USP47: variants seen among roughly 807,000 people sequenced by gnomAD.
USP47 encodes ubiquitin carboxyl-terminal hydrolase 47.
A neutral mutation model predicts 165.1 loss-of-function variants in USP47; 35 were observed. That is an observed-to-expected ratio of 0.21 (90% CI 0.16 to 0.28). The LOEUF is 0.28. USP47 is among the 10% of genes least tolerant of loss of function. The probability of loss-of-function intolerance (pLI) is 1.00; values close to 1 mark genes in which losing one functional copy is unlikely to be tolerated. For missense variants in USP47, 1,277 were observed against 1,607.4 expected (o/e 0.79, Z 3.52); for synonymous variants, 531 against 544.5 (o/e 0.98, Z 0.35).
intron 11 of USP47, among the ~76,000 whole-genome samples, chr11:11,924,798 T>C (rs1590390282): frequency 6.6e-6 from 1 of 152,294 alleles, no homozygotes; most frequent in East Asian, 1.9e-4. Context: ...GTCCTTTTAA[T>C]GCAGGGATGA....
At chr11:11,945,419 C>A (rs568094551) in intron 20 of USP47, among the ~76,000 whole-genome samples, 1 of 152,182 alleles carries the variant, frequency 6.6e-6, no homozygotes, top group Non-Finnish European at 1.5e-5. Flanking sequence ...GCAGTTCACT[C>A]AGGCAATAAT....
At chr11:11,890,901 A>G (rs1317500820) in intron 3 of USP47, among the ~76,000 whole-genome samples, 1 of 152,214 alleles carries the variant, frequency 6.6e-6, no homozygotes, top group African/African-American at 2.4e-5. Flanking sequence ...TCAGGAAACT[A>G]ACACAGGAAC....
At chr11:11,911,133 G>C (rs896978464) in intron 8 of USP47, among the ~76,000 whole-genome samples, 2 of 152,100 alleles carry the variant, frequency 1.3e-5, no homozygotes, top group African/African-American at 4.8e-5. Flanking sequence ...ACAGTAGGTC[G>C]AATCTGTGAA....
intron 8 of USP47, among the ~76,000 whole-genome samples, chr11:11,919,097 G>A (rs1316496851): frequency 6.6e-6 from 1 of 151,668 alleles, no homozygotes; most frequent in Non-Finnish European, 1.5e-5. Flanking sequence ...GATCAGATGG[G>A]TTTAGACACC....
At position 11,961,664 on chromosome 11, in the gene USP47, C is replaced by T. The variant is rs1288029482; in HGVS notation, c.*5489C>T. Reference sequence around the variant, plus strand: ...GTGGATGGAGGGCAGGAGCTCCATTCTTGTTTGCCACTCTCCTTTTGTCAA... The same window carrying T: ...GTGGATGGAGGGCAGGAGCTCCATTTTTGTTTGCCACTCTCCTTTTGTCAA... On this transcript the variant is annotated 3_prime_UTR_variant, in exon 28 of 28. Coordinates refer to ENST00000527733, the MANE Select transcript of USP47 (RefSeq NM_001282659.2). Among the ~76,000 whole-genome samples, 1 of 152,230 alleles carries T rather than the reference C, an allele frequency of 6.6e-6. No homozygotes were observed. The highest frequency in any genetic ancestry group is 1.5e-5 in the Non-Finnish European group (1 of 68,036).
intron 8 of USP47, among the ~76,000 whole-genome samples, chr11:11,917,659 A>G: frequency 6.7e-6 from 1 of 150,046 alleles, no homozygotes; most frequent in South Asian, 2.1e-4. Flanking sequence ...GGTGGGTGGG[A>G]AAAAAAGAGG....
At chr11:11,924,585 G>T (rs1043474678) in intron 11 of USP47, among the ~76,000 whole-genome samples, 4 of 152,112 alleles carry the variant, frequency 2.6e-5, no homozygotes, top group Admixed American at 6.5e-5. Context: ...TCTGGGCCTG[G>T]TGCTTTCTTT....
At chr11:11,920,594 C>T (rs1280983813) in intron 10 of USP47, 100 bp downstream of exon 10, 3 of 1,111,160 alleles carry the variant, frequency 2.7e-6, no homozygotes, top group Non-Finnish European at 3.6e-6. Flanking sequence ...GTCATTTGGA[C>T]TGTCTTCTTG....
rs1847442889 is a variant in USP47 at position 11,961,258 on chromosome 11, T to A, written c.*5083T>A. Among the ~76,000 whole-genome samples the A allele has an allele frequency of 1.3e-5, 2 of 152,188 alleles. No individual in the cohort carries two copies. Among genetic ancestry groups the A allele is most frequent in the Non-Finnish European group, 2.9e-5 (2 of 68,040 alleles). ...GTTAAGGACCTTGACGTGGGAAGAT[T>A]GTGATTATTTACCTGACAGGGCAAA... On this transcript the variant is annotated 3_prime_UTR_variant, in exon 28 of 28. Coordinates refer to ENST00000527733, the MANE Select transcript of USP47 (RefSeq NM_001282659.2).
intron 1 of USP47, among the ~76,000 whole-genome samples, chr11:11,857,761 C>A (rs900140918): frequency 6.6e-6 from 1 of 152,196 alleles, no homozygotes; most frequent in Admixed American, 6.5e-5. Flanking sequence ...TTGAAAGTAC[C>A]TCTGGTTGGT....
intron 1 of USP47, among the ~76,000 whole-genome samples, chr11:11,851,832 G>C (rs182250974): frequency 1.3e-5 from 2 of 152,144 alleles, no homozygotes; most frequent in African/African-American, 4.8e-5. Context: ...ATTTGGGTTT[G>C]TGGATGCTCT....
intron 19 of USP47, among the ~76,000 whole-genome samples, chr11:11,941,852 T>C (rs1855497870): frequency 6.6e-6 from 1 of 152,086 alleles, no homozygotes; most frequent in African/African-American, 2.4e-5. Flanking sequence ...GTTTGCTTCC[T>C]TGCAGTTTGT....
intron 1 of USP47, among the ~76,000 whole-genome samples, chr11:11,851,846 A>G (rs527450993): frequency 1.9e-4 from 29 of 152,108 alleles, no homozygotes; most frequent in Non-Finnish European, 2.4e-4. Context: ...ATGCTCTCTC[A>G]TGAATAGATT....
intron 5 of USP47, among the ~76,000 whole-genome samples, chr11:11,898,879 ATTGT>A (rs1402981520): frequency 6.6e-6 from 1 of 152,208 alleles, no homozygotes; most frequent in East Asian, 1.9e-4. Flanking sequence ...AGTGTTAGTC[ATTGT>A]TTGTATCAGA....
rs912694321 is a variant in USP47 at position 11,961,389 on chromosome 11, A to G, written c.*5214A>G. On this transcript the variant is annotated 3_prime_UTR_variant, in exon 28 of 28. Transcript: ENST00000527733. ...ATCACATGGGTCCCCAGAAGTGGAG[A>G]ACCTTTCCCACCTGTAGAAAGCCAG... 1.2e-4 allele frequency among the ~76,000 whole-genome samples: 18 copies of G among 152,178 alleles called. No individual in the cohort carries two copies. Among genetic ancestry groups the G allele is most frequent in the Admixed American group, 2.6e-4 (4 of 15,278 alleles).
At chr11:11,931,326 A>C (rs957530476) in intron 14 of USP47, among the ~76,000 whole-genome samples, 1 of 152,180 alleles carries the variant, frequency 6.6e-6, no homozygotes, top group Non-Finnish European at 1.5e-5. Context: ...AATTGGTACA[A>C]GGCTTAGGAC....
chr11:11,933,969 T>C, intron 16 of USP47, 34 bp downstream of exon 16: 1 of 1,459,394 alleles, frequency 6.9e-7, no homozygotes, highest in South Asian at 1.1e-5. Context: ...ATTTACTTAC[T>C]AATACAACAG....
chr11:11,857,834 C>G (rs1362653709), intron 1 of USP47, among the ~76,000 whole-genome samples: 1 of 152,206 alleles, frequency 6.6e-6, no homozygotes, highest in Non-Finnish European at 1.5e-5. Flanking sequence ...GCTTCAGCCT[C>G]TGGTTGGTTG....
chr11:11,953,553 G>A (rs1282970247), intron 25 of USP47, among the ~76,000 whole-genome samples: 3 of 151,880 alleles, frequency 2.0e-5, no homozygotes, highest in Non-Finnish European at 4.4e-5. Flanking sequence ...CCTCTGCATA[G>A]CCAAAGAAAA....
Sources: allele counts gnomAD v4.1 joint callset (sites outside exome capture counted in the v4.1 genomes callset), GRCh38; gene constraint gnomAD v4.1.1; transcripts MANE v1.5; gene names NCBI Gene and HGNC (gene_info 2026-07-23, HGNC 2026-07-21).